The following UBE2G1 variants were observed in gnomAD, a reference collection of about 807,000 sequenced individuals.
UBE2G1 encodes ubiquitin conjugating enzyme E2 G1, also known as ubiquitin-conjugating enzyme E2 G1.
UBE2G1 carries 5 observed loss-of-function variants against 22.7 expected under a neutral mutation model. The observed-to-expected ratio is 0.22, with a 90% CI of 0.12 to 0.46. The LOEUF (loss-of-function observed/expected upper bound fraction) is 0.46. Among genes scored for constraint, UBE2G1 ranks in the 20% least tolerant of loss-of-function variants. UBE2G1 has a pLI of 0.99. For synonymous variants in UBE2G1, 74 were observed against 67.5 expected (o/e 1.10, Z -0.47); for missense variants, 88 against 203.9 (o/e 0.43, Z 3.46).
At chr17:4,344,489 G>A (rs941594837) in intron 1 of UBE2G1, among the ~76,000 whole-genome samples, 4 of 151,620 alleles carry the variant, frequency 2.6e-5, no homozygotes, top group South Asian at 4.2e-4. Context: ...GCAATGAGCC[G>A]AGATTGCGCC....
chr17:4,311,023 C>T (rs959422663), intron 1 of UBE2G1, among the ~76,000 whole-genome samples: 37 of 152,068 alleles, frequency 2.4e-4, no homozygotes, highest in Admixed American at 1.7e-3. Flanking sequence ...CCAGCCTGGG[C>T]AACATGGCAA....
intron 1 of UBE2G1, 138 bp downstream of exon 1, chr17:4,366,133 C>T (rs928171368): frequency 1.0e-5 from 9 of 884,158 alleles, no homozygotes; most frequent in Non-Finnish European, 1.4e-5. Context: ...CGGCCGGGAC[C>T]GGAGCCTCGA....
chr17:4,348,501 C>T (rs1597264556), intron 1 of UBE2G1, among the ~76,000 whole-genome samples: 1 of 145,996 alleles, frequency 6.8e-6, no homozygotes, highest in African/African-American at 2.6e-5. Context: ...TGCAGTGAGC[C>T]GAGATCCCGC....
Position 4,330,036 on chromosome 17 carries a change from T to C in UBE2G1, c.47-22913A>G, listed in dbSNP as rs149485592. ...AGCTTAGCTAGACTACCCAGAGCCA[T>C]GAGTTATTGCATCTACAAAGTTTTA... On this transcript the variant is annotated intron_variant, in intron 1 of 5. Transcript: ENST00000396981. Among the ~76,000 whole-genome samples the C allele has an allele frequency of 1.9e-3, 295 of 152,172 alleles. 1 individual carries two copies. Among genetic ancestry groups the C allele is most frequent in the African/African-American group, 6.6e-3 (274 of 41,488 alleles).
At chr17:4,338,461 TAC>T (rs1302020419) in intron 1 of UBE2G1, among the ~76,000 whole-genome samples, 6 of 152,322 alleles carry the variant, frequency 3.9e-5, no homozygotes, top group African/African-American at 1.4e-4. Flanking sequence ...TCGCATAAGT[TAC>T]ACAGTTAGCT....
At chr17:4,344,675 C>A (rs568072990) in intron 1 of UBE2G1, among the ~76,000 whole-genome samples, 1 of 151,778 alleles carries the variant, frequency 6.6e-6, no homozygotes, top group South Asian at 2.1e-4. Context: ...AATGAGAAAC[C>A]CCCATCTCTA....
intron 1 of UBE2G1, among the ~76,000 whole-genome samples, chr17:4,332,843 A>T (rs1050751317): frequency 1.3e-5 from 2 of 152,022 alleles, no homozygotes; most frequent in African/African-American, 4.8e-5. Context: ...CTGTCACCCT[A>T]TTTTTAATGA....
At chr17:4,297,562 C>T (rs1181143416) in intron 2 of UBE2G1, among the ~76,000 whole-genome samples, 1 of 152,180 alleles carries the variant, frequency 6.6e-6, no homozygotes, top group Non-Finnish European at 1.5e-5. Flanking sequence ...AAGAACAATA[C>T]AATGAGTTGT....
At chr17:4,294,070 G>A (rs914679459) in intron 3 of UBE2G1, among the ~76,000 whole-genome samples, 10 of 151,922 alleles carry the variant, frequency 6.6e-5, no homozygotes, top group South Asian at 2.1e-4. Flanking sequence ...TGAATTAAAT[G>A]AGTCCTCACA....
intron 3 of UBE2G1, among the ~76,000 whole-genome samples, chr17:4,295,720 T>C (rs1003683488): frequency 6.6e-6 from 1 of 152,024 alleles, no homozygotes; most frequent in Non-Finnish European, 1.5e-5. Flanking sequence ...TTTATAAATA[T>C]AGCTTATCTG....
chr17:4,363,273 T>TA (rs933904937), intron 1 of UBE2G1, among the ~76,000 whole-genome samples: 3 of 151,718 alleles, frequency 2.0e-5, no homozygotes, highest in East Asian at 1.9e-4. Context: ...CTTCAAATTT[T>TA]AAAAAAAAAT....
intron 5 of UBE2G1, among the ~76,000 whole-genome samples, chr17:4,280,301 T>C (rs1224219518): frequency 7.1e-6 from 1 of 141,712 alleles, no homozygotes; most frequent in Non-Finnish European, 1.5e-5. Flanking sequence ...CTCCCACAAG[T>C]GCTAGGATTA....
chr17:4,334,873 T>A (rs1296639168), intron 1 of UBE2G1, among the ~76,000 whole-genome samples: 2 of 151,982 alleles, frequency 1.3e-5, no homozygotes, highest in Non-Finnish European at 2.9e-5. Context: ...AGGAAATAAA[T>A]GAGACAAGTT....
intron 5 of UBE2G1, among the ~76,000 whole-genome samples, chr17:4,274,385 G>A (rs1301623277): frequency 6.6e-6 from 1 of 152,044 alleles, no homozygotes; most frequent in African/African-American, 2.4e-5. Context: ...TTTTAGTAGA[G>A]ACGGGGTTTC....
chr17:4,357,502 T>G (rs1281963365), intron 1 of UBE2G1, among the ~76,000 whole-genome samples: 5 of 11,272 alleles, frequency 4.4e-4, no homozygotes, highest in South Asian at 6.8e-3. Context: ...TGTGTGTGTG[T>G]GTGTGTGGGG....
rs994824686 is a variant in UBE2G1 at position 4,366,404 on chromosome 17, G to A, written c.-88C>T. ...GGCGGCTGGAGCGGGGTGTGCCGAG[G>A]AACCCGGGCCCCGCGACCGGAGCGC... is the stretch of plus-strand genomic sequence containing the variant. On this transcript the variant is annotated 5_prime_UTR_variant, in exon 1 of 6. Transcript: ENST00000396981. The A allele has an allele frequency of 3.1e-6, 4 of 1,309,962 alleles. No homozygotes were observed. The highest frequency in any genetic ancestry group is 3.1e-5 in the African/African-American group (2 of 65,116). The allele number at this position is 1,309,962 out of a possible 1,614,324, so 81.1% of individuals were successfully genotyped here. A position where few individuals can be genotyped will look rare whatever the true frequency, so the allele number is the denominator to read the frequency against.
At chr17:4,308,297 G>A (rs370600726) in intron 1 of UBE2G1, among the ~76,000 whole-genome samples, 4 of 152,288 alleles carry the variant, frequency 2.6e-5, no homozygotes, top group Admixed American at 6.5e-5. Flanking sequence ...AGGTTGTGGT[G>A]AGCCAAGATC....
chr17:4,359,187 T>C (rs144124280), intron 1 of UBE2G1, among the ~76,000 whole-genome samples: 1 of 152,296 alleles, frequency 6.6e-6, no homozygotes, highest in East Asian at 1.9e-4. Flanking sequence ...TTTTTAAAAA[T>C]TCCTATTTGA....
At chr17:4,274,232 C>G (rs1316578411) in intron 5 of UBE2G1, among the ~76,000 whole-genome samples, 7 of 130,516 alleles carry the variant, frequency 5.4e-5, no homozygotes, top group Non-Finnish European at 9.5e-5. Flanking sequence ...GAGTCTTGCT[C>G]TGTCGCCCAG....
Sources: allele counts gnomAD v4.1 joint callset (sites outside exome capture counted in the v4.1 genomes callset), GRCh38; gene constraint gnomAD v4.1.1; transcripts MANE v1.5; gene names NCBI Gene and HGNC (gene_info 2026-07-23, HGNC 2026-07-21).